MCTP2: variants seen among roughly 807,000 people sequenced by gnomAD.
The protein encoded by MCTP2 is multiple C2 and transmembrane domain-containing protein 2.
In MCTP2, 132 loss-of-function variants were observed where a neutral mutation model predicts 111.6. That is an observed-to-expected ratio of 1.18 (90% confidence interval 1.03 to 1.37). The LOEUF is 1.37. Among genes scored for constraint, MCTP2 ranks in the 40% most tolerant of loss-of-function variants. MCTP2 has a pLI of 0.00. For synonymous variants in MCTP2, 395 were observed against 387.7 expected (o/e 1.02, Z -0.22); for missense variants, 1,183 against 1,067.9 (o/e 1.11, Z -1.50).
chr15:94,320,267 C>T (rs528798756), intron 4 of MCTP2, among the ~76,000 whole-genome samples: 9 of 151,850 alleles, frequency 5.9e-5, no homozygotes, highest in Admixed American at 1.3e-4. Flanking sequence ...CTCAGCCTCC[C>T]AAGTAGTTGG....
chr15:94,306,403 A>T (rs1381506327), intron 2 of MCTP2, among the ~76,000 whole-genome samples: 1 of 152,188 alleles, frequency 6.6e-6, no homozygotes, highest in Non-Finnish European at 1.5e-5. Flanking sequence ...GACTTGCTTA[A>T]TGTCATCCAG....
intron 5 of MCTP2, among the ~76,000 whole-genome samples, chr15:94,339,727 G>A (rs1420032115): frequency 1.3e-5 from 2 of 152,104 alleles, no homozygotes; most frequent in African/African-American, 4.8e-5. Flanking sequence ...TTCTCATTAG[G>A]AATATCTTTA....
intron 17 of MCTP2, among the ~76,000 whole-genome samples, chr15:94,410,794 C>T (rs138213452): frequency 6.6e-6 from 1 of 152,334 alleles, no homozygotes; most frequent in Non-Finnish European, 1.5e-5. Context: ...TAGTGAAAAT[C>T]ATCTGTTACC....
intron 12 of MCTP2, among the ~76,000 whole-genome samples, chr15:94,371,196 C>T (rs567215772): frequency 1.3e-5 from 2 of 151,968 alleles, no homozygotes; most frequent in East Asian, 1.9e-4. Context: ...ATAAGATGAT[C>T]CTGACTAGTG....
At chr15:94,364,393 A>G (rs1328518023) in intron 10 of MCTP2, among the ~76,000 whole-genome samples, 1 of 152,158 alleles carries the variant, frequency 6.6e-6, no homozygotes, top group East Asian at 1.9e-4. Context: ...GACAGAAAAG[A>G]GCAAGATTTT....
intron 10 of MCTP2, among the ~76,000 whole-genome samples, chr15:94,367,150 T>C (rs1372101529): frequency 4.2e-4 from 63 of 151,714 alleles, no homozygotes; most frequent in Non-Finnish European, 1.6e-4. Flanking sequence ...ATTTCTCCAT[T>C]AACCCTCTCC....
chr15:94,400,140 T>C (rs1567627463), intron 16 of MCTP2, 145 bp downstream of exon 16: 4 of 653,052 alleles, frequency 6.1e-6, no homozygotes, highest in Middle Eastern at 4.1e-4. Flanking sequence ...TCTCCACTTA[T>C]TTCTCCTTGT....
intron 12 of MCTP2, among the ~76,000 whole-genome samples, chr15:94,377,301 G>A (rs1018913042): frequency 2.0e-5 from 3 of 152,206 alleles, no homozygotes; most frequent in Non-Finnish European, 4.4e-5. Flanking sequence ...CTCAGTAGTC[G>A]TGATTGAACG....
At chr15:94,357,169 C>G (rs2078671487) in intron 9 of MCTP2, among the ~76,000 whole-genome samples, 1 of 152,248 alleles carries the variant, frequency 6.6e-6, no homozygotes. Context: ...GTTGTGCGCA[C>G]TGCACAATTT....
At chr15:94,267,502 T>A (rs1342034027) in intron 1 of MCTP2, among the ~76,000 whole-genome samples, 3 of 152,238 alleles carry the variant, frequency 2.0e-5, no homozygotes, top group African/African-American at 7.2e-5. Context: ...TTTTGACAAC[T>A]TTGAATAGTT....
rs116796453 is a variant in MCTP2 at position 94,468,215 on chromosome 15, A to G, written c.2361-2118A>G. Among the ~76,000 whole-genome samples the G allele has an allele frequency of 6.3e-3, 967 of 152,322 alleles. 12 individuals are homozygous for G. Among genetic ancestry groups the G allele is most frequent in the African/African-American group, 0.022 (923 of 41,566 alleles). ...GCTCAGGAGAAAACTAGCAAATAGT[A>G]ACTATTTTGAGTTTTTACAATGTGC... On this transcript the variant is annotated intron_variant, in intron 20 of 22. Transcript: ENST00000357742.
intron 4 of MCTP2, 58 bp downstream of exon 4, chr15:94,315,695 T>C: frequency 3.3e-6 from 4 of 1,212,662 alleles, no homozygotes; most frequent in Non-Finnish European, 4.9e-6. Flanking sequence ...TCTCTGTCCT[T>C]GTATCAATAT....
intron 1 of MCTP2, among the ~76,000 whole-genome samples, chr15:94,294,225 G>A (rs893050284): frequency 1.3e-5 from 2 of 152,310 alleles, no homozygotes; most frequent in South Asian, 4.1e-4. Context: ...GCCTGGGAGC[G>A]CGTGATCCTT....
At chr15:94,390,122 A>G (rs867261779) in intron 14 of MCTP2, among the ~76,000 whole-genome samples, 1 of 58,000 alleles carries the variant, frequency 1.7e-5, no homozygotes, top group Non-Finnish European at 5.0e-5. Context: ...ATGTATATAT[A>G]TATATATATA....
chr15:94,249,647 A>G (rs2072268802), intron 1 of MCTP2, among the ~76,000 whole-genome samples: 1 of 151,948 alleles, frequency 6.6e-6, no homozygotes, highest in African/African-American at 2.4e-5. Context: ...CACCACGCCC[A>G]GCTAATTTTT....
At position 94,446,496 on chromosome 15, in the gene MCTP2, G is replaced by A. The variant is rs550277381; in HGVS notation, c.2250+3536G>A. Among the ~76,000 whole-genome samples, 164 of 152,338 alleles carry A rather than the reference G, an allele frequency of 1.1e-3. No homozygotes were observed. The Middle Eastern group carries it at 0.014, about 13-fold the overall frequency. ...TACACAGTAAAGGTCAGTAATTGAAGCATGAACCAAGAAACTATTGTGTAA... is the reference window on the plus strand; with the variant it reads ...TACACAGTAAAGGTCAGTAATTGAAACATGAACCAAGAAACTATTGTGTAA... On this transcript the variant is annotated intron_variant, in intron 19 of 22. Transcript: ENST00000357742.
chr15:94,404,710 G>A (rs796592292), intron 17 of MCTP2, among the ~76,000 whole-genome samples: 4 of 151,986 alleles, frequency 2.6e-5, no homozygotes, highest in African/African-American at 9.7e-5. Context: ...AGACCTGTTA[G>A]CTGTCTGTAG....
intron 18 of MCTP2, among the ~76,000 whole-genome samples, chr15:94,441,621 T>C (rs1031836928): frequency 1.3e-5 from 2 of 152,208 alleles, no homozygotes; most frequent in Admixed American, 1.3e-4. Context: ...TTATAAAACA[T>C]TGAAAATAAT....
At chr15:94,402,116 G>A in intron 17 of MCTP2, 97 bp downstream of exon 17, 1 of 1,461,774 alleles carries the variant, frequency 6.8e-7, no homozygotes, top group Non-Finnish European at 9.2e-7. Context: ...CGTGGGGGTT[G>A]TCTTTCTAAG....
Sources: gnomAD v4.1 joint callset for allele counts (sites outside exome capture counted in the v4.1 genomes callset) on GRCh38, gnomAD v4.1.1 for gene constraint, MANE v1.5 for transcripts, NCBI Gene and HGNC (gene_info 2026-07-23, HGNC 2026-07-21) for gene names.